Variants in SMCHD1 observed in about 807,000 individuals in gnomAD.
SMCHD1 encodes structural maintenance of chromosomes flexible hinge domain-containing protein 1.
SMCHD1 carries 78 observed loss-of-function variants against 254.7 expected under a neutral mutation model. That is an observed-to-expected ratio of 0.31 (90% CI 0.26 to 0.37). The LOEUF (loss-of-function observed/expected upper bound fraction) is 0.37, where lower values mean the gene tolerates loss of function less well. SMCHD1 is among the 10% of genes least tolerant of loss of function. The pLI, the probability that SMCHD1 is intolerant of heterozygous loss-of-function variation, is 1.00. For synonymous variants in SMCHD1, 766 were observed against 794.9 expected, an observed-to-expected ratio of 0.96 and a Z score of 0.61; for missense variants, 1,840 against 2,408.1, an observed-to-expected ratio of 0.76 and a Z score of 4.94.
At chr18:2,681,140 T>C (rs2509462) in intron 5 of SMCHD1, among the ~76,000 whole-genome samples, 146,008 of 152,018 alleles carry the variant, frequency 0.96, 70,234 homozygotes, top group East Asian at 1. Context: ...AGTCCGGGCA[T>C]GGTGGCTCAC....
chr18:2,666,759 C>G, intron 2 of SMCHD1, 111 bp from the exon 3 acceptor site: 2 of 888,546 alleles, frequency 2.3e-6, no homozygotes, highest in East Asian at 5.6e-5. Context: ...GGGGGTTTTT[C>G]TTTACCATCA....
chr18:2,728,754 T>A (rs1261826353), intron 23 of SMCHD1, 158 bp downstream of exon 23: 8 of 551,142 alleles, frequency 1.5e-5, no homozygotes, highest in African/African-American at 2.1e-5. Context: ...TTTTTTTTTT[T>A]AATCGTACCT....
chr18:2,784,198 A>G (rs1568383299), intron 44 of SMCHD1, among the ~76,000 whole-genome samples: 2 of 152,012 alleles, frequency 1.3e-5, no homozygotes, highest in East Asian at 1.9e-4. Context: ...CCACTTATCA[A>G]TCCATCATTT....
At position 2,688,413 on chromosome 18, in the gene SMCHD1, C is replaced by T. The variant is rs920749551; in HGVS notation, c.658C>T (p.Arg220Cys). Residue 220 changes from arginine to cysteine, a missense_variant, in exon 6 of 48, where the codon CGT (arginine) becomes TGT (cysteine). Transcript: ENST00000320876. The part of the protein sequence containing the change: ...DFESDHSGYV[R>C]PVPVPRSLNS... Reference sequence around the variant, plus strand: ...TTTTAGTGATCATTCAGGATATGTTCGTCCAGTACCAGTGCCACGCAGTTT... The same window carrying T: ...TTTTAGTGATCATTCAGGATATGTTTGTCCAGTACCAGTGCCACGCAGTTT... The T allele has an allele frequency of 4.3e-6, 7 of 1,612,320 alleles. No individual in the cohort carries two copies. Among genetic ancestry groups the T allele is most frequent in the East Asian group, 4.5e-5 (2 of 44,868 alleles).
intron 45 of SMCHD1, among the ~76,000 whole-genome samples, chr18:2,787,406 T>C (rs1311546864): frequency 1.3e-5 from 2 of 152,180 alleles, no homozygotes; most frequent in Non-Finnish European, 2.9e-5. Flanking sequence ...TAATTTCCAT[T>C]TGGGGCTATC....
At chr18:2,725,190 A>G (rs915704910) in intron 21 of SMCHD1, among the ~76,000 whole-genome samples, 195 bp downstream of exon 21, 11 of 152,126 alleles carry the variant, frequency 7.2e-5, no homozygotes, top group South Asian at 2.1e-4. Context: ...CACATTTACT[A>G]CTGTTGTTGA....
intron 34 of SMCHD1, among the ~76,000 whole-genome samples, chr18:2,754,609 C>T (rs1374220331): frequency 6.6e-6 from 1 of 152,120 alleles, no homozygotes; most frequent in East Asian, 1.9e-4. Flanking sequence ...CTAGCAAATA[C>T]CAGATTTTCA....
At chr18:2,729,709 C>T (rs1172887276) in intron 24 of SMCHD1, among the ~76,000 whole-genome samples, 3 of 140,476 alleles carry the variant, frequency 2.1e-5, no homozygotes, top group African/African-American at 2.6e-5. Flanking sequence ...TATTCTTTCG[C>T]TTTTTTTTTT....
chr18:2,758,208 A>G (rs570576516), intron 34 of SMCHD1, among the ~76,000 whole-genome samples: 1 of 152,194 alleles, frequency 6.6e-6, no homozygotes, highest in South Asian at 2.1e-4. Context: ...TGTATGATCT[A>G]ACTGTTTTTT....
chr18:2,717,777 C>T (rs555659608), intron 17 of SMCHD1, among the ~76,000 whole-genome samples: 8 of 151,968 alleles, frequency 5.3e-5, no homozygotes, highest in East Asian at 1.9e-4. Context: ...ATAAACATTT[C>T]GGATTTGTTC....
At chr18:2,797,604 T>G (rs2076285096) in intron 47 of SMCHD1, among the ~76,000 whole-genome samples, 1 of 152,224 alleles carries the variant, frequency 6.6e-6, no homozygotes, top group African/African-American at 2.4e-5. Context: ...TTCTATGCAG[T>G]AGAGGGACAA....
intron 7 of SMCHD1, 91 bp from the exon 8 acceptor site, chr18:2,694,436 A>C (rs2074245658): frequency 8.9e-7 from 1 of 1,128,470 alleles, no homozygotes; most frequent in Non-Finnish European, 1.2e-6. Flanking sequence ...GTGAAACTCC[A>C]AGTAAATCAC....
At position 2,678,303 on chromosome 18, in the gene SMCHD1, C is replaced by CTTT. The variant is rs554708832; in HGVS notation, c.638+4170_638+4172dup. On this transcript the variant is annotated intron_variant, in intron 5 of 47. Transcript: ENST00000320876. ...TCTCTCTTTCTTTCTTTCTTTCTTC[C>CTTT]TTTTTTTTTTTTTTGAGACAGAGTC... 1.4e-3 allele frequency among the ~76,000 whole-genome samples: 176 copies of CTTT among 126,218 alleles called. 1 individual carries two copies. The highest frequency in any genetic ancestry group is 8.1e-3 in the Middle Eastern group (2 of 246). 82.8% of individuals were successfully genotyped at this position (126,218 alleles called of 152,430 possible).
chr18:2,755,800 A>C (rs113902968), intron 34 of SMCHD1, among the ~76,000 whole-genome samples: 49 of 150,996 alleles, frequency 3.2e-4, no homozygotes, highest in East Asian at 7.9e-4. Context: ...ATCTTCTGAC[A>C]TTGTGATCCA....
At chr18:2,797,968 A>ATAAT (rs1365028522) in intron 47 of SMCHD1, among the ~76,000 whole-genome samples, 3 of 152,174 alleles carry the variant, frequency 2.0e-5, no homozygotes, top group Non-Finnish European at 4.4e-5. Context: ...GTAATAGAAA[A>ATAAT]TAATAGGGAA....
intron 5 of SMCHD1, among the ~76,000 whole-genome samples, chr18:2,680,077 CTGTT>C (rs1316091123): frequency 6.6e-6 from 1 of 152,064 alleles, no homozygotes; most frequent in Non-Finnish European, 1.5e-5. Flanking sequence ...CTGATACTCT[CTGTT>C]TGGTGAAATA....
chr18:2,796,224 C>A, intron 46 of SMCHD1, 117 bp downstream of exon 46: 1 of 1,020,898 alleles, frequency 9.8e-7, no homozygotes. Flanking sequence ...TTAACAAAAA[C>A]TCTTAACCTC....
At chr18:2,697,177 T>C in intron 9 of SMCHD1, 55 bp downstream of exon 9, 1 of 874,362 alleles carries the variant, frequency 1.1e-6, no homozygotes, top group Non-Finnish European at 1.7e-6. Flanking sequence ...TTGTTCCAGT[T>C]CCAAATGACT....
chr18:2,779,405 A>G (rs1173855921), intron 44 of SMCHD1, among the ~76,000 whole-genome samples: 5 of 152,152 alleles, frequency 3.3e-5, no homozygotes, highest in South Asian at 4.1e-4. Flanking sequence ...GGGTAATGCC[A>G]TTTAGAGTTT....
Sources: allele counts gnomAD v4.1 joint callset (sites outside exome capture counted in the v4.1 genomes callset), GRCh38; gene constraint gnomAD v4.1.1; transcripts MANE v1.5; gene names NCBI Gene and HGNC (gene_info 2026-07-23, HGNC 2026-07-21).